Variants in NKAIN3 observed in about 807,000 individuals in gnomAD.
NKAIN3 encodes sodium/potassium transporting ATPase interacting 3.
NKAIN3 carries 25 observed loss-of-function variants against 30.2 expected under a neutral mutation model. The observed-to-expected ratio is 0.83, with a 90% CI of 0.60 to 1.16. NKAIN3 has a LOEUF of 1.16. NKAIN3 is among the 50% of genes most tolerant of loss of function. The probability of loss-of-function intolerance (pLI) is 0.00; values close to 1 mark genes in which losing one functional copy is unlikely to be tolerated. For synonymous variants in NKAIN3, 91 were observed against 89.6 expected (o/e 1.02, Z -0.09); for missense variants, 225 against 254.1 (o/e 0.89, Z 0.78).
At chr8:62,641,558 A>G (rs1216095127) in intron 3 of NKAIN3, among the ~76,000 whole-genome samples, 1 of 152,196 alleles carries the variant, frequency 6.6e-6, no homozygotes, top group Non-Finnish European at 1.5e-5. Context: ...CAGCAGTCAG[A>G]AAAACATCTG....
At chr8:62,705,954 T>C (rs1407677415) in intron 3 of NKAIN3, among the ~76,000 whole-genome samples, 2 of 152,146 alleles carry the variant, frequency 1.3e-5, no homozygotes, top group Non-Finnish European at 2.9e-5. Context: ...TATGCATTCC[T>C]GTAAGTAAGG....
At chr8:62,834,716 A>T (rs1261573111) in intron 4 of NKAIN3, among the ~76,000 whole-genome samples, 2 of 152,090 alleles carry the variant, frequency 1.3e-5, no homozygotes, top group African/African-American at 4.8e-5. Flanking sequence ...TTCCATGCTC[A>T]TGGATTGGAA....
chr8:62,744,310 T>C (rs1331840410), intron 3 of NKAIN3, among the ~76,000 whole-genome samples: 1 of 152,226 alleles, frequency 6.6e-6, no homozygotes, highest in Non-Finnish European at 1.5e-5. Context: ...AATTTTAATA[T>C]AGTCATTGTG....
intron 4 of NKAIN3, among the ~76,000 whole-genome samples, chr8:62,806,960 T>C (rs1268507803): frequency 6.6e-6 from 1 of 152,078 alleles, no homozygotes; most frequent in Non-Finnish European, 1.5e-5. Context: ...TGATGAAACG[T>C]AGTGATGAAC....
At chr8:62,870,514 CGTATATATGTATATATGTACAATATGT>C (rs1279501893) in intron 4 of NKAIN3, among the ~76,000 whole-genome samples, 1 of 133,578 alleles carries the variant, frequency 7.5e-6, no homozygotes, top group Non-Finnish European at 1.5e-5. Context: ...ACAATATGTA[CGTATATATGTATATATGTACAATATGT>C]ACATATATAT....
At chr8:62,266,376 AAATT>A (rs1320528416) in intron 1 of NKAIN3, among the ~76,000 whole-genome samples, 1 of 152,228 alleles carries the variant, frequency 6.6e-6, no homozygotes, top group Non-Finnish European at 1.5e-5. Flanking sequence ...ATATTAAAAT[AAATT>A]AAGATTTCTC....
At chr8:62,500,610 A>C (rs1807418067) in intron 1 of NKAIN3, among the ~76,000 whole-genome samples, 1 of 152,138 alleles carries the variant, frequency 6.6e-6, no homozygotes, top group Non-Finnish European at 1.5e-5. Context: ...CCACTCAGCA[A>C]TGGGGAAGAA....
chr8:62,685,027 G>A (rs905798121), intron 3 of NKAIN3, among the ~76,000 whole-genome samples: 1 of 152,134 alleles, frequency 6.6e-6, no homozygotes, highest in Non-Finnish European at 1.5e-5. Context: ...AGTCAGGAAG[G>A]CAAGAGCCTG....
chr8:62,850,997 T>G (rs980865918), intron 4 of NKAIN3, among the ~76,000 whole-genome samples: 8 of 152,192 alleles, frequency 5.3e-5, no homozygotes, highest in South Asian at 2.1e-4. Flanking sequence ...GTGAAGAAAG[T>G]CATTGGTAGC....
intron 1 of NKAIN3, among the ~76,000 whole-genome samples, chr8:62,531,375 A>G (rs1808485819): frequency 6.6e-6 from 1 of 152,274 alleles, no homozygotes; most frequent in South Asian, 2.1e-4. Flanking sequence ...AAACTAACTT[A>G]CTTATCCCTA....
At chr8:62,444,779 T>G (rs929280527) in intron 1 of NKAIN3, among the ~76,000 whole-genome samples, 1 of 152,142 alleles carries the variant, frequency 6.6e-6, no homozygotes, top group Non-Finnish European at 1.5e-5. Flanking sequence ...ATGAAAAACC[T>G]CCATACACTT....
chr8:62,980,853 G>T lies in NKAIN3; in HGVS notation c.*15446G>T, dbSNP rs1224836466. ...ATTTATTATTTTAAGCCACTTGTTT[G>T]GTGTTATGGATTTTAAGAATCAGTT... On this transcript the variant is annotated 3_prime_UTR_variant, in exon 7 of 7. Coordinates refer to ENST00000623646, the MANE Select transcript of NKAIN3 (RefSeq NM_001304533.3). The T allele has an allele frequency of 2.0e-5, 3 of 152,144 alleles. No homozygotes were observed. The highest frequency in any genetic ancestry group is 4.8e-5 in the African/African-American group (2 of 41,438). 9.4% of individuals were successfully genotyped at this position (152,144 alleles called of 1,614,324 possible). A position where few individuals can be genotyped will look rare whatever the true frequency, so the allele number is the denominator to read the frequency against.
intron 1 of NKAIN3, among the ~76,000 whole-genome samples, chr8:62,270,371 T>C (rs570311655): frequency 6.4e-4 from 98 of 152,276 alleles, no homozygotes; most frequent in African/African-American, 2.3e-3. Flanking sequence ...CATGAGCCCC[T>C]GGGCCCAGCC....
chr8:62,563,310 G>A lies in NKAIN3; in HGVS notation c.55-16229G>A, dbSNP rs554864142. Among the ~76,000 whole-genome samples, 6 of 152,188 alleles carry A rather than the reference G, an allele frequency of 3.9e-5. No homozygotes were observed. In the South Asian group the frequency reaches 1.2e-3, roughly 32 times the overall value. The stretch of plus-strand genomic sequence containing the variant: ...CTTAGAAGCTGAATCAAATGATGAA[G>A]TCGCACTCTTTGAGATCAAGCAATA... On this transcript the variant is annotated intron_variant, in intron 1 of 6. Coordinates refer to ENST00000623646, the MANE Select transcript of NKAIN3 (RefSeq NM_001304533.3).
intron 1 of NKAIN3, among the ~76,000 whole-genome samples, chr8:62,532,820 A>G (rs1466796133): frequency 1.3e-5 from 2 of 152,184 alleles, no homozygotes; most frequent in East Asian, 1.9e-4. Context: ...TGGATCGAGT[A>G]GTGAGATTTG....
At position 62,983,182 on chromosome 8, in the gene NKAIN3, A is replaced by G. The variant is rs552507324; in HGVS notation, c.*17775A>G. 3 of 152,082 alleles carry G rather than the reference A, an allele frequency of 2.0e-5. No individual in the cohort carries two copies. Among genetic ancestry groups the G allele is most frequent in the African/African-American group, 7.2e-5 (3 of 41,480 alleles). The allele number at this position is 152,082 out of a possible 1,614,324, so 9.4% of individuals were successfully genotyped here. A position where few individuals can be genotyped will look rare whatever the true frequency, so the allele number is the denominator to read the frequency against. On this transcript the variant is annotated 3_prime_UTR_variant, in exon 7 of 7. Transcript: ENST00000623646. ...ATGATTGTTGCGTCCTTCTTTGAAA[A>G]CACCCCTGCTGAGTACCTACTGTAT...
At chr8:62,847,909 C>G (rs1209213850) in intron 4 of NKAIN3, among the ~76,000 whole-genome samples, 1 of 152,078 alleles carries the variant, frequency 6.6e-6, no homozygotes, top group African/African-American at 2.4e-5. Flanking sequence ...CTAACCAGTT[C>G]TCCCAGCATC....
At chr8:62,344,850 A>T (rs1815878850) in intron 1 of NKAIN3, 1 of 437,806 alleles carries the variant, frequency 2.3e-6, no homozygotes. Flanking sequence ...GAAGAATGTC[A>T]TGGGTATTTT....
At chr8:62,765,717 C>G (rs1397419216) in intron 4 of NKAIN3, among the ~76,000 whole-genome samples, 1 of 152,020 alleles carries the variant, frequency 6.6e-6, no homozygotes, top group African/African-American at 2.4e-5. Context: ...AGCTTTAAAT[C>G]ATATTCGAGT....
Sources: gnomAD v4.1 joint callset for allele counts (sites outside exome capture counted in the v4.1 genomes callset) on GRCh38, gnomAD v4.1.1 for gene constraint, MANE v1.5 for transcripts, NCBI Gene and HGNC (gene_info 2026-07-23, HGNC 2026-07-21) for gene names.